Variants in SLC36A1 observed in about 807,000 individuals in gnomAD.
SLC36A1 encodes the protein solute carrier family 36 member 1, also known as proton-coupled amino acid transporter 1.
Under a neutral mutation model 47.5 loss-of-function variants are expected in SLC36A1, and 30 were observed. That is an observed-to-expected ratio of 0.63 (90% CI 0.47 to 0.86). SLC36A1 has a LOEUF of 0.86. Ranked by LOEUF, SLC36A1 falls within the 40% of genes least tolerant of loss-of-function variation. The probability of loss-of-function intolerance (pLI) is 0.00; values close to 1 mark genes in which losing one functional copy is unlikely to be tolerated. For synonymous variants in SLC36A1, 255 were observed against 249.7 expected (o/e 1.02, Z -0.20); for missense variants, 517 against 606.0 (o/e 0.85, Z 1.54).
the SLC36A1 span, among the ~76,000 whole-genome samples, chr5:151,349,613 A>T: frequency 6.6e-6 from 1 of 152,136 alleles, no homozygotes; most frequent in Non-Finnish European, 1.5e-5. Context: ...GGTAACGCTG[A>T]GATGCAGGCC....
At chr5:151,467,605 TCA>T in intron 6 of SLC36A1, 100 bp from the exon 7 acceptor site, 1 of 976,208 alleles carries the variant, frequency 1.0e-6, no homozygotes, top group Non-Finnish European at 1.6e-6. Flanking sequence ...AAGGCCTTGT[TCA>T]CACACCTGAG....
At chr5:151,539,654 TTATC>T in the SLC36A1 span, among the ~76,000 whole-genome samples, 1 of 152,214 alleles carries the variant, frequency 6.6e-6, no homozygotes, top group African/African-American at 2.4e-5. Context: ...CAGTTTAACT[TTATC>T]TATAAACTTT....
At chr5:151,351,402 T>C in the SLC36A1 span, among the ~76,000 whole-genome samples, 1 of 152,026 alleles carries the variant, frequency 6.6e-6, no homozygotes, top group East Asian at 1.9e-4. Context: ...AAAAAGCTAT[T>C]CCTGAGAACC....
At chr5:151,433,274 T>A (rs1358827891), upstream of SLC36A1, among the ~76,000 whole-genome samples, 190 of 40,938 alleles carry the variant, frequency 4.6e-3, no homozygotes, top group Non-Finnish European at 5.7e-3. Context: ...ATATTTTTTT[T>A]TTTTTTTTTT....
At chr5:151,419,049 G>T in the SLC36A1 span, among the ~76,000 whole-genome samples, 11 of 152,136 alleles carry the variant, frequency 7.2e-5, no homozygotes, top group African/African-American at 2.4e-4. Flanking sequence ...CACTTCTCCT[G>T]CCTGCCTCTA....
chr5:151,499,277 G>A, the SLC36A1 span, among the ~76,000 whole-genome samples: 4 of 152,206 alleles, frequency 2.6e-5, no homozygotes, highest in African/African-American at 7.2e-5. Flanking sequence ...CCCTCTTCTA[G>A]AAGCAGTCAG....
chr5:151,545,929 C>G, the SLC36A1 span: 17 of 1,614,142 alleles, frequency 1.1e-5, no homozygotes, highest in Non-Finnish European at 1.4e-5. Context: ...TGCCATATTG[C>G]TGCCTCGGAT....
the SLC36A1 span, among the ~76,000 whole-genome samples, chr5:151,352,555 GA>G: frequency 0.25 from 38,581 of 152,076 alleles, 5,292 homozygotes; most frequent in African/African-American, 0.32. Flanking sequence ...CTGAAGGCCA[GA>G]AGCCCTAAAT....
At chr5:151,406,565 AAG>A in the SLC36A1 span, 1 of 152,070 alleles carries the variant, frequency 6.6e-6, no homozygotes, top group Non-Finnish European at 1.5e-5. Flanking sequence ...GATTTCTTGA[AAG>A]AGAAACACAG....
chr5:151,531,689 C>G, the SLC36A1 span: 1 of 1,613,864 alleles, frequency 6.2e-7, no homozygotes, highest in Admixed American at 1.7e-5. This position sits in a 1 kb window ranked among gnomAD's most constrained non-coding sequence, Gnocchi z 5.7. Context: ...AGCTGCAGCA[C>G]CTCCGTGCCA....
At chr5:151,422,804 T>C in the SLC36A1 span, among the ~76,000 whole-genome samples, 1 of 152,062 alleles carries the variant, frequency 6.6e-6, no homozygotes, top group African/African-American at 2.4e-5. Context: ...AGCTGGGTAG[T>C]AGTGGCACGT....
At chr5:151,397,896 C>T in the SLC36A1 span, among the ~76,000 whole-genome samples, 2 of 151,588 alleles carry the variant, frequency 1.3e-5, no homozygotes, top group Non-Finnish European at 2.9e-5. Context: ...GTGGGAGGAT[C>T]GCTTGAGTCC....
the SLC36A1 span, chr5:151,506,152 CT>C: frequency 6.7e-7 from 1 of 1,487,074 alleles, no homozygotes; most frequent in South Asian, 1.4e-5. Flanking sequence ...AAGGTTTCAG[CT>C]GGCTCTATAG....
chr5:151,416,803 C>G, the SLC36A1 span, among the ~76,000 whole-genome samples: 1 of 152,172 alleles, frequency 6.6e-6, no homozygotes, highest in African/African-American at 2.4e-5. Flanking sequence ...GAATTGTAAA[C>G]CCCAAAATCT....
At chr5:151,386,113 C>A in the SLC36A1 span, among the ~76,000 whole-genome samples, 1 of 151,924 alleles carries the variant, frequency 6.6e-6, no homozygotes, top group African/African-American at 2.4e-5. Flanking sequence ...CTCCTGACCT[C>A]GTGATCCACC....
At chr5:151,493,227 C>T (rs990173233), downstream of SLC36A1, among the ~76,000 whole-genome samples, 5 of 152,104 alleles carry the variant, frequency 3.3e-5, no homozygotes, top group African/African-American at 9.7e-5. Context: ...TACATTTCCC[C>T]GCCCCCCAAA....
chr5:151,468,720 G>T (rs1756937319), intron 7 of SLC36A1, among the ~76,000 whole-genome samples: 2 of 151,944 alleles, frequency 1.3e-5, no homozygotes, highest in South Asian at 4.2e-4. Flanking sequence ...CACCCAGGGG[G>T]CACTGGTTTA....
the SLC36A1 span, among the ~76,000 whole-genome samples, chr5:151,533,393 AACACACACACACACACACAC>A: frequency 2.3e-5 from 3 of 132,176 alleles, no homozygotes; most frequent in African/African-American, 8.3e-5. Flanking sequence ...TGTTATCTCC[AACACACACACACACACACAC>A]ACACACACAC....
chr5:151,445,453 G>A (rs531447500), upstream of SLC36A1, among the ~76,000 whole-genome samples: 16 of 152,246 alleles, frequency 1.1e-4, no homozygotes, highest in South Asian at 4.1e-4. Context: ...TTCTTGTGGC[G>A]TCTTTCTCTG....
Sources: gnomAD v4.1 joint callset for allele counts (sites outside exome capture counted in the v4.1 genomes callset) on GRCh38, gnomAD v4.1.1 for gene constraint, Gnocchi (gnomAD v3.1) non-coding constraint, MANE v1.5 for transcripts, NCBI Gene and HGNC (gene_info 2026-07-23, HGNC 2026-07-21) for gene names.